PKIB: variants seen among roughly 807,000 people sequenced by gnomAD.
The protein encoded by PKIB is PKI-beta.
A neutral mutation model predicts 4.5 loss-of-function variants in PKIB; 2 were observed. The observed-to-expected ratio is 0.44, with a 90% CI of 0.18 to 1.39. The LOEUF is 1.39. Ranked by LOEUF, PKIB falls within the 40% of genes most tolerant of loss-of-function variation. PKIB has a pLI of 0.27. For synonymous variants in PKIB, 38 were observed against 36.0 expected (o/e 1.06, Z -0.20); for missense variants, 94 against 92.6 (o/e 1.02, Z -0.06).
At chr6:122,496,338 T>G (rs1414219040) in intron 2 of PKIB, among the ~76,000 whole-genome samples, 2 of 152,170 alleles carry the variant, frequency 1.3e-5, no homozygotes, top group Non-Finnish European at 2.9e-5. Flanking sequence ...AATATGAATG[T>G]TGCAACACCA....
chr6:122,587,559 G>A (rs1437169314), intron 3 of PKIB, among the ~76,000 whole-genome samples: 1 of 152,138 alleles, frequency 6.6e-6, no homozygotes, highest in Non-Finnish European at 1.5e-5. Flanking sequence ...GGATGGCTGG[G>A]TCGAATGGTA....
intron 2 of PKIB, chr6:122,531,384 T>C (rs1251703564): frequency 6.6e-6 from 1 of 152,166 alleles, no homozygotes; most frequent in East Asian, 1.9e-4. Flanking sequence ...GGGCATTAAC[T>C]AGATGATTTC....
intron 1 of PKIB, among the ~76,000 whole-genome samples, chr6:122,633,078 G>T (rs1582758329): frequency 6.6e-6 from 1 of 152,112 alleles, no homozygotes. Context: ...AAGAAAATTT[G>T]TCCTGCTCTT....
At chr6:122,553,357 A>G (rs1037593084) in intron 2 of PKIB, among the ~76,000 whole-genome samples, 1 of 152,104 alleles carries the variant, frequency 6.6e-6, no homozygotes, top group Non-Finnish European at 1.5e-5. Context: ...CCGAATACTC[A>G]GTTTTCAGGG....
intron 2 of PKIB, among the ~76,000 whole-genome samples, chr6:122,567,710 T>C (rs371027531): frequency 7.9e-5 from 12 of 152,294 alleles, no homozygotes; most frequent in African/African-American, 2.4e-4. Context: ...GGCAAAATAA[T>C]GTATACATGC....
intron 2 of PKIB, among the ~76,000 whole-genome samples, chr6:122,549,503 T>A (rs762726558): frequency 2.2e-4 from 33 of 152,284 alleles, no homozygotes; most frequent in Non-Finnish European, 4.7e-4. Context: ...GAAGTTAGGA[T>A]CCCAGTCTTA....
intron 3 of PKIB, among the ~76,000 whole-genome samples, chr6:122,680,093 C>T (rs1196014623): frequency 6.6e-6 from 1 of 152,152 alleles, no homozygotes; most frequent in Non-Finnish European, 1.5e-5. Context: ...AACACATAAA[C>T]TCTACTTTCT....
chr6:122,546,241 C>T (rs967708492), intron 2 of PKIB, among the ~76,000 whole-genome samples: 1 of 152,064 alleles, frequency 6.6e-6, no homozygotes, highest in African/African-American at 2.4e-5. Flanking sequence ...ACCCTAGGGT[C>T]TTGCTCTTCA....
At chr6:122,671,392 C>CAT (rs3058007) in intron 2 of PKIB, among the ~76,000 whole-genome samples, 90,842 of 151,690 alleles carry the variant, frequency 0.6, 28,729 homozygotes, top group Non-Finnish European at 0.71. Flanking sequence ...GGTCTTATCT[C>CAT]GTGTTACAGT....
intron 2 of PKIB, among the ~76,000 whole-genome samples, chr6:122,513,784 C>T (rs571051269): frequency 2.0e-5 from 3 of 152,264 alleles, no homozygotes; most frequent in African/African-American, 7.2e-5. Flanking sequence ...CCAGCTGTAT[C>T]TATGTTGCTG....
intron 2 of PKIB, among the ~76,000 whole-genome samples, chr6:122,501,699 G>A (rs1042776336): frequency 7.9e-5 from 12 of 152,142 alleles, no homozygotes; most frequent in Admixed American, 4.6e-4. Context: ...GCCTATGATG[G>A]AAGGGGCTAC....
At chr6:122,476,706 T>G (rs1262793710) in intron 1 of PKIB, among the ~76,000 whole-genome samples, 1 of 152,198 alleles carries the variant, frequency 6.6e-6, no homozygotes, top group Non-Finnish European at 1.5e-5. Context: ...GTCTAATATT[T>G]AATGTACTAT....
upstream of PKIB, among the ~76,000 whole-genome samples, chr6:122,606,981 G>A (rs9482260): frequency 0.14 from 21,024 of 151,594 alleles, 1,622 homozygotes; most frequent in Non-Finnish European, 0.15. Context: ...ACTGATTCTT[G>A]CTTCACCCAT....
At chr6:122,615,414 A>T (rs1186360300) in intron 1 of PKIB, among the ~76,000 whole-genome samples, 1 of 152,106 alleles carries the variant, frequency 6.6e-6, no homozygotes, top group Non-Finnish European at 1.5e-5. Context: ...ATTGAGTTTG[A>T]TGGTAGTTGG....
chr6:122,695,858 CTCTT>C (rs1231924581), intron 3 of PKIB, among the ~76,000 whole-genome samples: 2 of 152,098 alleles, frequency 1.3e-5, no homozygotes, highest in African/African-American at 4.8e-5. Context: ...TCTCTCCTCT[CTCTT>C]CTCTCCCTCC....
chr6:122,602,793 A>C (rs1277644430), intron 3 of PKIB, among the ~76,000 whole-genome samples: 1 of 151,788 alleles, frequency 6.6e-6, no homozygotes, highest in Non-Finnish European at 1.5e-5. Context: ...GAACAAACAA[A>C]AAAAACAAAA....
chr6:122,523,937 T>A (rs1777022544), intron 2 of PKIB, among the ~76,000 whole-genome samples: 1 of 152,202 alleles, frequency 6.6e-6, no homozygotes, highest in Non-Finnish European at 1.5e-5. Flanking sequence ...TCTTTATAAA[T>A]TACCCAGTCT....
chr6:122,631,794 T>C (rs1439870043), intron 1 of PKIB, among the ~76,000 whole-genome samples: 4 of 152,214 alleles, frequency 2.6e-5, no homozygotes, highest in Non-Finnish European at 4.4e-5. Flanking sequence ...GACATTCTTT[T>C]ACCAGTGCAT....
intron 3 of PKIB, among the ~76,000 whole-genome samples, chr6:122,697,514 A>G (rs901659091): frequency 1.3e-5 from 2 of 151,950 alleles, no homozygotes; most frequent in African/African-American, 4.8e-5. Context: ...AACTTCGGGC[A>G]TGTCTCCATA....
Sources: gnomAD v4.1 joint callset for allele counts (sites outside exome capture counted in the v4.1 genomes callset) on GRCh38, gnomAD v4.1.1 for gene constraint, MANE v1.5 for transcripts, NCBI Gene and HGNC (gene_info 2026-07-23, HGNC 2026-07-21) for gene names.